SLC38A6: variants seen among roughly 807,000 people sequenced by gnomAD.
SLC38A6 encodes the protein N system amino acid transporter NAT-1.
Under a neutral mutation model 65.0 loss-of-function variants are expected in SLC38A6, and 73 were observed. The ratio of observed to expected loss-of-function variants is 1.12; its 90% CI spans 0.93 to 1.37. The LOEUF is 1.37. Ranked by LOEUF, SLC38A6 falls within the 40% of genes most tolerant of loss-of-function variation. The pLI, the probability that SLC38A6 is intolerant of heterozygous loss-of-function variation, is 0.00. For synonymous variants in SLC38A6, 183 were observed against 178.8 expected, an observed-to-expected ratio of 1.02 and a Z score of -0.19; for missense variants, 561 against 531.1, an observed-to-expected ratio of 1.06 and a Z score of -0.55.
chr14:61,075,738 A>G (rs535440304), intron 15 of SLC38A6, among the ~76,000 whole-genome samples: 13 of 150,890 alleles, frequency 8.6e-5, no homozygotes, highest in Admixed American at 1.3e-4. Context: ...CTGGTAGTTC[A>G]GAAATCAGGC....
chr14:61,051,652 T>C (rs2042513406), intron 13 of SLC38A6, 135 bp from the exon 14 acceptor site: 1 of 831,976 alleles, frequency 1.2e-6, no homozygotes. Context: ...TTTATAATAA[T>C]AGTTTATGCT....
intron 15 of SLC38A6, among the ~76,000 whole-genome samples, chr14:61,062,394 G>C (rs191019698): frequency 2.6e-5 from 4 of 152,046 alleles, no homozygotes; most frequent in Admixed American, 6.5e-5. Context: ...CGTTGTTTTA[G>C]TTTGCAGTTC....
intron 13 of SLC38A6, 120 bp downstream of exon 13, chr14:61,050,756 C>A: frequency 1.1e-6 from 1 of 938,430 alleles, no homozygotes; most frequent in South Asian, 4.3e-5. Context: ...ATTCACTTGT[C>A]AAGTAATTGA....
At chr14:61,019,602 G>A (rs1434170731) in intron 5 of SLC38A6, 22 bp downstream of exon 5, 1 of 1,610,082 alleles carries the variant, frequency 6.2e-7, no homozygotes. Flanking sequence ...CAAGTGCACT[G>A]TTTATACATA....
chr14:61,045,809 C>G (rs1056807076), intron 11 of SLC38A6, among the ~76,000 whole-genome samples: 1 of 151,634 alleles, frequency 6.6e-6, no homozygotes, highest in African/African-American at 2.4e-5. Context: ...TCGCTTGAAC[C>G]CAGGAGGTGG....
intron 4 of SLC38A6, 42 bp downstream of exon 4, chr14:61,015,998 G>T: frequency 6.7e-7 from 1 of 1,502,228 alleles, no homozygotes. Context: ...ACCCAAAGTG[G>T]CATTTTTCCT....
rs1362834924 is a variant in SLC38A6 at position 61,045,294 on chromosome 14, G to C, written c.745-52G>C. ...TGAGTTTGTTGTCAAATGAAATAATGGTTTCAGTAGAGTGGCATTTAATAA... is the reference window on the plus strand; with the variant it reads ...TGAGTTTGTTGTCAAATGAAATAATCGTTTCAGTAGAGTGGCATTTAATAA... On this transcript the variant is annotated intron_variant, in intron 10 of 15. Transcript: ENST00000267488. 9 of 1,133,758 alleles carry C rather than the reference G, an allele frequency of 7.9e-6. No homozygotes were observed. In the East Asian group the frequency reaches 1.7e-4, roughly 21 times the overall value. The allele number at this position is 1,133,758 out of a possible 1,614,324, so 70.2% of individuals were successfully genotyped here.
chr14:60,982,398 C>T, intron 1 of SLC38A6, 110 bp from the exon 2 acceptor site: 1 of 1,425,078 alleles, frequency 7.0e-7, no homozygotes, highest in Non-Finnish European at 9.7e-7. Flanking sequence ...GTCATACAAA[C>T]CCTGGTGGTT....
chr14:61,055,118 C>CTTTTTT (rs1219357097), downstream of SLC38A6, among the ~76,000 whole-genome samples: 1 of 98,648 alleles, frequency 1.0e-5, no homozygotes, highest in African/African-American at 3.9e-5. Context: ...TTTTTTTTTT[C>CTTTTTT]TTTTTTTTTT....
intron 3 of SLC38A6, among the ~76,000 whole-genome samples, chr14:61,013,537 C>G (rs956806513): frequency 5.9e-5 from 9 of 152,134 alleles, no homozygotes; most frequent in Non-Finnish European, 1.2e-4. Context: ...TGTTCCTTTC[C>G]ATGTTTAGTG....
At chr14:60,995,003 CAAAAAAAAAAAAAAA>C (rs34888148) in intron 3 of SLC38A6, among the ~76,000 whole-genome samples, 1 of 73,162 alleles carries the variant, frequency 1.4e-5, no homozygotes, top group African/African-American at 5.0e-5. Flanking sequence ...GACTCCATCT[CAAAAAAAAAAAAAAA>C]AAAAAAAGAA....
chr14:61,040,710 A>G (rs183807973), intron 8 of SLC38A6, among the ~76,000 whole-genome samples: 106 of 152,026 alleles, frequency 7.0e-4, no homozygotes, highest in East Asian at 5.6e-3. Context: ...TTGAACTCCT[A>G]TGTTCAAGTG....
intron 1 of SLC38A6, 76 bp from the exon 2 acceptor site, chr14:60,982,432 C>G (rs1566599289): frequency 1.3e-6 from 2 of 1,554,416 alleles, no homozygotes; most frequent in Non-Finnish European, 1.7e-6. Flanking sequence ...CATAATCTTT[C>G]ATTTATGGAA....
chr14:61,000,570 G>C (rs1454492002), intron 3 of SLC38A6, among the ~76,000 whole-genome samples: 1 of 152,192 alleles, frequency 6.6e-6, no homozygotes, highest in Non-Finnish European at 1.5e-5. Context: ...TGCAGAGGTT[G>C]CAATAAGCTG....
chr14:61,009,570 C>T (rs905120972), intron 3 of SLC38A6, among the ~76,000 whole-genome samples: 1 of 151,224 alleles, frequency 6.6e-6, no homozygotes, highest in Admixed American at 6.6e-5. Context: ...TGTGATATTC[C>T]CCTTCCTGTG....
At chr14:61,039,773 GTTT>G (rs982541993) in intron 8 of SLC38A6, among the ~76,000 whole-genome samples, 2 of 151,936 alleles carry the variant, frequency 1.3e-5, no homozygotes, top group Non-Finnish European at 2.9e-5. Flanking sequence ...AAGGATACCA[GTTT>G]TTCATTTATT....
At chr14:61,077,679 A>G (rs956454887) in intron 15 of SLC38A6, among the ~76,000 whole-genome samples, 4 of 152,200 alleles carry the variant, frequency 2.6e-5, no homozygotes, top group Non-Finnish European at 5.9e-5. Flanking sequence ...TCATTCATCC[A>G]GAATGGTTCT....
intron 3 of SLC38A6, among the ~76,000 whole-genome samples, chr14:60,995,267 A>G (rs1252221391): frequency 6.6e-6 from 1 of 152,242 alleles, no homozygotes; most frequent in Non-Finnish European, 1.5e-5. Context: ...TGTGATATGT[A>G]CGTACAGTGC....
intron 15 of SLC38A6, among the ~76,000 whole-genome samples, chr14:61,070,267 T>G (rs187204539): frequency 6.6e-6 from 1 of 152,394 alleles, no homozygotes; most frequent in South Asian, 2.1e-4. Context: ...TCTATGAGTT[T>G]GACTGCTCTC....
Sources: allele counts gnomAD v4.1 joint callset (sites outside exome capture counted in the v4.1 genomes callset), GRCh38; gene constraint gnomAD v4.1.1; transcripts MANE v1.5; gene names NCBI Gene and HGNC (gene_info 2026-07-23, HGNC 2026-07-21).